MAST4: variants seen among roughly 807,000 people sequenced by gnomAD.
MAST4 encodes the protein microtubule associated serine/threonine kinase family member 4, also known as microtubule-associated serine/threonine-protein kinase 4.
A neutral mutation model predicts 162.7 loss-of-function variants in MAST4; 89 were observed. That is an observed-to-expected ratio of 0.55 (90% CI 0.46 to 0.65). MAST4 has a LOEUF of 0.65. Among genes scored for constraint, MAST4 ranks in the 30% least tolerant of loss-of-function variants. The pLI is 0.00. For missense variants in MAST4, 3,153 were observed against 3,374.0 expected, an observed-to-expected ratio of 0.93 and a Z score of 1.62; for synonymous variants, 1,479 against 1,361.1, an observed-to-expected ratio of 1.09 and a Z score of -1.91.
At chr5:67,023,157 A>G (rs1380219263) in intron 4 of MAST4, among the ~76,000 whole-genome samples, 1 of 152,188 alleles carries the variant, frequency 6.6e-6, no homozygotes, top group African/African-American at 2.4e-5. Context: ...AGATATTCTA[A>G]ATAACTATGA....
chr5:66,706,619 T>G (rs982562322), intron 1 of MAST4, among the ~76,000 whole-genome samples: 2 of 151,918 alleles, frequency 1.3e-5, no homozygotes, highest in Non-Finnish European at 2.9e-5. Context: ...TTTTTTTTTT[T>G]TTTGTTGAAG....
intron 1 of MAST4, among the ~76,000 whole-genome samples, chr5:66,602,488 C>T (rs1327792398): frequency 6.6e-6 from 1 of 151,568 alleles, no homozygotes; most frequent in Non-Finnish European, 1.5e-5. Flanking sequence ...CTAGTGGATA[C>T]AGTGCAGGAG....
chr5:66,619,832 T>C (rs1441549257), intron 1 of MAST4, among the ~76,000 whole-genome samples: 1 of 151,970 alleles, frequency 6.6e-6, no homozygotes, highest in Non-Finnish European at 1.5e-5. Context: ...ACCTTTTTTG[T>C]TGTTTGAAAC....
chr5:66,692,008 AC>A (rs1749071476), intron 1 of MAST4, among the ~76,000 whole-genome samples: 1 of 152,154 alleles, frequency 6.6e-6, no homozygotes, highest in African/African-American at 2.4e-5. Context: ...AATTACAGGA[AC>A]CCAAGGACAT....
At chr5:66,955,799 G>A (rs1231422525) in intron 4 of MAST4, among the ~76,000 whole-genome samples, 2 of 152,092 alleles carry the variant, frequency 1.3e-5, no homozygotes, top group Non-Finnish European at 2.9e-5. Flanking sequence ...ATGCACACAA[G>A]TATATACATA....
rs550804360 is a variant in MAST4, at chr5:66,764,831, T to A, written c.517+4969T>A. Among the ~76,000 whole-genome samples, 13 of 152,236 alleles carry A rather than the reference T, an allele frequency of 8.5e-5. 1 individual carries two copies. The South Asian group carries it at 1.0e-3, about 12-fold the overall frequency. On this transcript the variant is annotated intron_variant, in intron 2 of 28. Coordinates refer to ENST00000403625, the MANE Select transcript of MAST4 (RefSeq NM_001164664.2). ...AACTTATTAAAGAAAGAAAAATATCTTTTAAATCAGTGTAGCCTAAGTGTA... is the reference window on the plus strand; with the variant it reads ...AACTTATTAAAGAAAGAAAAATATCATTTAAATCAGTGTAGCCTAAGTGTA...
At chr5:66,688,593 A>G (rs996648195) in intron 1 of MAST4, among the ~76,000 whole-genome samples, 1 of 152,298 alleles carries the variant, frequency 6.6e-6, no homozygotes, top group South Asian at 2.1e-4. Context: ...CAAGAAAAGT[A>G]CCAATCTTTC....
At chr5:66,778,940 A>C (rs951075327) in intron 2 of MAST4, among the ~76,000 whole-genome samples, 5 of 152,146 alleles carry the variant, frequency 3.3e-5, no homozygotes, top group African/African-American at 1.2e-4. Flanking sequence ...ACTCCTTAAA[A>C]CATCTGTCAG....
intron 5 of MAST4, 82 bp downstream of exon 5, chr5:67,054,574 G>T: frequency 8.1e-7 from 1 of 1,230,956 alleles, no homozygotes; most frequent in Non-Finnish European, 1.1e-6. Context: ...TTTGATATTT[G>T]GTATGTCTTC....
chr5:66,684,762 A>G (rs1748537549), intron 1 of MAST4, among the ~76,000 whole-genome samples: 1 of 152,156 alleles, frequency 6.6e-6, no homozygotes, highest in Admixed American at 6.5e-5. Flanking sequence ...CTTACAATAT[A>G]AAAGCTGGGG....
At chr5:66,790,702 G>A (rs1034244718) in intron 3 of MAST4, among the ~76,000 whole-genome samples, 11 of 152,224 alleles carry the variant, frequency 7.2e-5, no homozygotes, top group South Asian at 6.2e-4. Flanking sequence ...ATACTACTGT[G>A]CCTGGCTTGG....
At chr5:66,843,920 C>G (rs147669281) in intron 3 of MAST4, among the ~76,000 whole-genome samples, 1 of 152,086 alleles carries the variant, frequency 6.6e-6, no homozygotes, top group Non-Finnish European at 1.5e-5. Flanking sequence ...TTTAGCTCCC[C>G]TCACCCCCAG....
At chr5:66,771,555 A>C (rs1021495415) in intron 2 of MAST4, among the ~76,000 whole-genome samples, 1 of 152,066 alleles carries the variant, frequency 6.6e-6, no homozygotes, top group Non-Finnish European at 1.5e-5. Context: ...TTAAACCAAA[A>C]ATGTATAGAG....
chr5:66,911,182 G>C (rs537642931), intron 4 of MAST4, among the ~76,000 whole-genome samples: 1 of 152,174 alleles, frequency 6.6e-6, no homozygotes, highest in South Asian at 2.1e-4. Context: ...CCCAGTGGCC[G>C]TGTGAGCTCT....
chr5:67,128,666 A>G lies in MAST4; in HGVS notation c.1746-1544A>G, dbSNP rs528030778. Among the ~76,000 whole-genome samples the G allele has an allele frequency of 5.9e-5, 9 of 152,344 alleles. No individual in the cohort carries two copies. In the South Asian group the frequency reaches 1.7e-3, roughly 28 times the overall value. On this transcript the variant is annotated intron_variant, in intron 14 of 28. Coordinates refer to ENST00000403625, the MANE Select transcript of MAST4 (RefSeq NM_001164664.2). Reference sequence around the variant, plus strand: ...CATTGATTAAACTGGGATTGAATATAGTTGAAATTTATTTCAGTGAATCAC... The same window carrying G: ...CATTGATTAAACTGGGATTGAATATGGTTGAAATTTATTTCAGTGAATCAC...
intron 4 of MAST4, among the ~76,000 whole-genome samples, chr5:66,941,539 T>C (rs1292007668): frequency 6.6e-6 from 1 of 152,180 alleles, no homozygotes; most frequent in African/African-American, 2.4e-5. Flanking sequence ...AAGGAAATGT[T>C]GTGGCTGATA....
chr5:67,087,850 T>G (rs1386450932), intron 5 of MAST4, among the ~76,000 whole-genome samples: 1 of 152,194 alleles, frequency 6.6e-6, no homozygotes, highest in African/African-American at 2.4e-5. Context: ...AGTCTTGAAG[T>G]TGAAGATGTG....
chr5:66,819,980 T>G (rs1352639569), intron 3 of MAST4, among the ~76,000 whole-genome samples: 2 of 125,054 alleles, frequency 1.6e-5, no homozygotes, highest in Admixed American at 7.9e-5. Context: ...TTTTTTTTTT[T>G]GTAGAGATGG....
intron 4 of MAST4, among the ~76,000 whole-genome samples, chr5:66,915,968 C>A (rs542875537): frequency 6.6e-6 from 1 of 152,330 alleles, no homozygotes; most frequent in South Asian, 2.1e-4. Flanking sequence ...CCATCATTAG[C>A]TTAGACCTGC....
Sources: gnomAD v4.1 joint callset for allele counts (sites outside exome capture counted in the v4.1 genomes callset) on GRCh38, gnomAD v4.1.1 for gene constraint, MANE v1.5 for transcripts, NCBI Gene and HGNC (gene_info 2026-07-23, HGNC 2026-07-21) for gene names.